Variants in DLGAP1 observed in about 807,000 individuals in gnomAD.
DLGAP1 encodes the protein disks large-associated protein 1.
Under a neutral mutation model 90.8 loss-of-function variants are expected in DLGAP1, and 11 were observed. The ratio of observed to expected loss-of-function variants is 0.12; its 90% confidence interval spans 0.08 to 0.20. DLGAP1 has a LOEUF of 0.20. Ranked by LOEUF, DLGAP1 falls within the 10% of genes least tolerant of loss-of-function variation. DLGAP1 has a pLI of 1.00. For missense variants in DLGAP1, 1,050 were observed against 1,333.8 expected (o/e 0.79, Z 3.31); for synonymous variants, 558 against 540.7 (o/e 1.03, Z -0.44).
chr18:3,955,383 TAA>T, intron 3 of DLGAP1, among the ~76,000 whole-genome samples: 1 of 152,040 alleles, frequency 6.6e-6, no homozygotes, highest in Non-Finnish European at 1.5e-5. Context: ...CCTGACAAGG[TAA>T]AATTCACAAT....
chr18:3,763,629 G>C (rs1033289903), intron 5 of DLGAP1, among the ~76,000 whole-genome samples: 4 of 150,602 alleles, frequency 2.7e-5, no homozygotes, highest in African/African-American at 9.8e-5. Context: ...TTGATCCTTT[G>C]CTTCAGTTAA....
intron 1 of DLGAP1, among the ~76,000 whole-genome samples, chr18:4,296,812 T>C (rs1041135564): frequency 6.6e-5 from 10 of 152,184 alleles, no homozygotes; most frequent in Non-Finnish European, 1.2e-4. Context: ...CCATTACCTG[T>C]GCACTGAAAG....
chr18:3,507,515 CA>C (rs984506751), intron 11 of DLGAP1, among the ~76,000 whole-genome samples: 2 of 151,920 alleles, frequency 1.3e-5, no homozygotes, highest in Non-Finnish European at 2.9e-5. Flanking sequence ...AGCGAGACTC[CA>C]TCTCAAAACA....
rs1224681890 is a variant in DLGAP1 at position 4,084,898 on chromosome 18, T to A, written c.-159+66282A>T. 6.6e-6 allele frequency among the ~76,000 whole-genome samples: 1 copy of A among 152,154 alleles called. No individual in the cohort carries two copies. Among genetic ancestry groups the A allele is most frequent in the East Asian group, 1.9e-4 (1 of 5,180 alleles). Reference sequence around the variant, plus strand: ...TTTCCTCCCCTACATTTTATTCTGTTTAAGTTTTGTTGTTTATGATTGACT... The same window carrying A: ...TTTCCTCCCCTACATTTTATTCTGTATAAGTTTTGTTGTTTATGATTGACT... On this transcript the variant is annotated intron_variant, in intron 2 of 12. Transcript: ENST00000315677. This position sits in a 1 kb window ranked among gnomAD's most constrained non-coding sequence, Gnocchi z 4.0.
intron 1 of DLGAP1, among the ~76,000 whole-genome samples, chr18:4,198,575 T>C (rs1178304660): frequency 1.3e-5 from 2 of 152,236 alleles, no homozygotes; most frequent in Admixed American, 6.5e-5. Context: ...GATAATATTA[T>C]GGAAACTTTT....
chr18:3,908,563 T>C (rs1228286291), intron 3 of DLGAP1, among the ~76,000 whole-genome samples: 2 of 152,196 alleles, frequency 1.3e-5, no homozygotes, highest in African/African-American at 2.4e-5. Flanking sequence ...TTCAGGTTGG[T>C]GGCCACTGTC....
chr18:3,988,682 C>T (rs974414428), intron 3 of DLGAP1, among the ~76,000 whole-genome samples: 5 of 152,092 alleles, frequency 3.3e-5, no homozygotes, highest in South Asian at 2.1e-4. Flanking sequence ...CACTCACCTG[C>T]GATGCAGCCC....
chr18:3,714,378 G>A (rs2061690915), intron 7 of DLGAP1, among the ~76,000 whole-genome samples: 1 of 152,164 alleles, frequency 6.6e-6, no homozygotes, highest in Admixed American at 6.5e-5. Flanking sequence ...TGAGTAGATG[G>A]ATGTATAGCC....
At chr18:3,826,208 C>T (rs991776467) in intron 4 of DLGAP1, among the ~76,000 whole-genome samples, 8 of 152,074 alleles carry the variant, frequency 5.3e-5, no homozygotes, top group Non-Finnish European at 1.0e-4. Context: ...TCAATAGAAG[C>T]CCAAATCTCA....
chr18:4,097,323 C>T (rs1419418212), intron 2 of DLGAP1, among the ~76,000 whole-genome samples: 1 of 152,210 alleles, frequency 6.6e-6, no homozygotes, highest in Non-Finnish European at 1.5e-5. Context: ...CACTTTCCAT[C>T]TTCCCCATTT....
intron 3 of DLGAP1, among the ~76,000 whole-genome samples, chr18:3,958,047 C>T (rs2073117709): frequency 6.6e-6 from 1 of 151,974 alleles, no homozygotes; most frequent in African/African-American, 2.4e-5. Context: ...GTGTCCACTA[C>T]CATGCCCAGC....
At chr18:3,762,104 T>C (rs1362709643) in intron 5 of DLGAP1, among the ~76,000 whole-genome samples, 3 of 152,238 alleles carry the variant, frequency 2.0e-5, no homozygotes, top group African/African-American at 7.2e-5. Flanking sequence ...CAGGGACTAT[T>C]ATGGCCATGG....
chr18:4,393,117 ATCT>A (rs771032958), intron 1 of DLGAP1, among the ~76,000 whole-genome samples: 7 of 152,204 alleles, frequency 4.6e-5, no homozygotes, highest in South Asian at 2.1e-4. Flanking sequence ...AAAATAAATG[ATCT>A]TCTTAAGACA....
Position 3,534,366 on chromosome 18 carries a change from C to T in DLGAP1, c.2307G>A (p.Pro769=), listed in dbSNP as rs911696769. The change falls in exon 10 of 13, where the codon CCG becomes CCA. Residue 769 remains proline, a synonymous_variant. Coordinates refer to ENST00000315677, the MANE Select transcript of DLGAP1 (RefSeq NM_004746.4). ...TDFDPSILPP[P]DPWIDSITED... Reference sequence around the variant, plus strand: ...CAGTGATAGAGTCAATCCAGGGGTCCGGAGGAGGCAGAATAGAGGGGTCAA... The same window carrying T: ...CAGTGATAGAGTCAATCCAGGGGTCTGGAGGAGGCAGAATAGAGGGGTCAA... The T allele has an allele frequency of 3.1e-6, 5 of 1,614,032 alleles. No homozygotes were observed. The highest frequency in any genetic ancestry group is 1.3e-5 in the African/African-American group (1 of 74,998).
chr18:4,319,726 G>A (rs1277498830), intron 1 of DLGAP1, among the ~76,000 whole-genome samples: 1 of 152,210 alleles, frequency 6.6e-6, no homozygotes, highest in Non-Finnish European at 1.5e-5. Flanking sequence ...AGTAAGAGAT[G>A]AGACTGATTG....
In DLGAP1 at chr18:3,729,072, T is replaced by C; in HGVS notation, c.1591+63A>G. ...GTGTGTTGACAGCAAGGGCACAGTCTTTGGGGACAGTCGTGCCATAGCCAG... is the reference window on the plus strand; with the variant it reads ...GTGTGTTGACAGCAAGGGCACAGTCCTTGGGGACAGTCGTGCCATAGCCAG... On this transcript the variant is annotated intron_variant, in intron 7 of 12. Coordinates refer to ENST00000315677, the MANE Select transcript of DLGAP1 (RefSeq NM_004746.4). This position sits in a 1 kb window ranked among gnomAD's most constrained non-coding sequence, Gnocchi z 6.2. 1 of 1,542,806 alleles carries C rather than the reference T, an allele frequency of 6.5e-7. No homozygotes were observed. The highest frequency in any genetic ancestry group is 8.7e-7 in the Non-Finnish European group (1 of 1,145,062).
At chr18:3,840,205 T>C (rs931635679) in intron 4 of DLGAP1, among the ~76,000 whole-genome samples, 3 of 152,238 alleles carry the variant, frequency 2.0e-5, no homozygotes, top group African/African-American at 7.2e-5. Flanking sequence ...TCCCAAAATA[T>C]CACCACTATA....
At chr18:4,183,972 T>C (rs2077249232) in intron 1 of DLGAP1, among the ~76,000 whole-genome samples, 2 of 152,168 alleles carry the variant, frequency 1.3e-5, no homozygotes, top group Non-Finnish European at 2.9e-5. Flanking sequence ...ATGTGCATAA[T>C]GCCCACGCAG....
rs760327989 is a variant in DLGAP1, at chr18:3,660,949, G to C, written c.1591+68186C>G. 5.3e-5 allele frequency among the ~76,000 whole-genome samples: 8 copies of C among 152,180 alleles called. No individual in the cohort carries two copies. The highest frequency in any genetic ancestry group is 1.3e-4 in the Admixed American group (2 of 15,278). On this transcript the variant is annotated intron_variant, in intron 7 of 12. Transcript: ENST00000315677. This position sits in a 1 kb window ranked among gnomAD's most constrained non-coding sequence, Gnocchi z 4.2. ...GGAAACTGTATGATAAGGCACAATA[G>C]AGAAAGAGGAACTAAAAAAGAACTT...
Sources: gnomAD v4.1 joint callset for allele counts (sites outside exome capture counted in the v4.1 genomes callset) on GRCh38, gnomAD v4.1.1 for gene constraint, Gnocchi (gnomAD v3.1) non-coding constraint, MANE v1.5 for transcripts, NCBI Gene and HGNC (gene_info 2026-07-23, HGNC 2026-07-21) for gene names.